Variants in VNN1 observed in about 807,000 individuals in gnomAD.
VNN1 encodes pantetheinase.
Under a neutral mutation model 41.9 loss-of-function variants are expected in VNN1, and 29 were observed. That is an observed-to-expected ratio of 0.69 (90% CI 0.52 to 0.94). The LOEUF (loss-of-function observed/expected upper bound fraction) is 0.94. Ranked by LOEUF, VNN1 falls within the 40% of genes least tolerant of loss-of-function variation. The pLI is 0.00. For missense variants in VNN1, 637 were observed against 621.1 expected, an observed-to-expected ratio of 1.03 and a Z score of -0.27; for synonymous variants, 233 against 224.4, an observed-to-expected ratio of 1.04 and a Z score of -0.34.
chr6:132,710,178 T>C (rs995751667), intron 2 of VNN1, among the ~76,000 whole-genome samples: 1 of 151,978 alleles, frequency 6.6e-6, no homozygotes, highest in African/African-American at 2.4e-5. Flanking sequence ...GCCTTCCAAG[T>C]AGCTGGGATT....
intron 2 of VNN1, among the ~76,000 whole-genome samples, chr6:132,711,078 G>A: frequency 6.6e-6 from 1 of 152,136 alleles, no homozygotes; most frequent in East Asian, 1.9e-4. Flanking sequence ...CTGGCGTTGT[G>A]CGGTTTTGAG....
intron 2 of VNN1, among the ~76,000 whole-genome samples, chr6:132,697,874 A>G (rs374226937): frequency 6.6e-6 from 1 of 152,224 alleles, no homozygotes; most frequent in African/African-American, 2.4e-5. Flanking sequence ...AAATTACAAC[A>G]CATTGAACCA....
intron 5 of VNN1, among the ~76,000 whole-genome samples, chr6:132,691,953 G>A (rs1415204131): frequency 6.6e-6 from 1 of 151,244 alleles, no homozygotes; most frequent in Middle Eastern, 3.4e-3. Context: ...CTTGCAGTGA[G>A]CTGATGCACC....
Position 132,693,220 on chromosome 6 carries a change from T to C in VNN1, c.630A>G (p.Thr210=). ...NTTFGSFGIF[T]CFDILFHDPA... is the part of the protein sequence containing the mutation. ...GATCATGGAAGAGTATATCAAAGCATGTGAAAATGCCAAAACTTCCAAAGG... is the reference window on the plus strand; with the variant it reads ...GATCATGGAAGAGTATATCAAAGCACGTGAAAATGCCAAAACTTCCAAAGG... Residue 210 remains threonine (T), a synonymous_variant, in exon 4 of 7, where the codon ACA becomes ACG. Coordinates refer to ENST00000367928, the MANE Select transcript of VNN1 (RefSeq NM_004666.3). 1 of 1,614,106 alleles carries C rather than the reference T, an allele frequency of 6.2e-7. No individual in the cohort carries two copies. The highest frequency in any genetic ancestry group is 8.5e-7 in the Non-Finnish European group (1 of 1,179,988).
chr6:132,708,189 A>G (rs1778547182), intron 2 of VNN1, among the ~76,000 whole-genome samples: 2 of 152,342 alleles, frequency 1.3e-5, no homozygotes, highest in African/African-American at 4.8e-5. Flanking sequence ...GCTTTCTTCT[A>G]TGATGCAATC....
At chr6:132,711,687 T>G in intron 2 of VNN1, 22 bp downstream of exon 2, 1 of 1,605,574 alleles carries the variant, frequency 6.2e-7, no homozygotes, top group Non-Finnish European at 8.5e-7. Flanking sequence ...ACTAGTGAAT[T>G]TTTCACAAGT....
rs779906176 is a variant in VNN1 at position 132,683,319 on chromosome 6, A to G, written c.1363T>C (p.Ser455Pro). 1.2e-6 allele frequency: 2 copies of G among 1,610,442 alleles called. No individual in the cohort carries two copies. Among genetic ancestry groups the G allele is most frequent in the South Asian group, 2.2e-5 (2 of 90,092 alleles). ...NQLAPGEFQV[S>P]TDGRLFSLKP... ...AGACTAAACAAGCGTCCGTCAGTTG[A>G]CACCTGATTAAAACAAAAAAGTAGG... The change falls in exon 7 of 7, where the codon TCA (serine) becomes CCA (proline). Residue 455 changes from serine to proline, a missense_variant. Transcript: ENST00000367928.
At chr6:132,686,335 C>A (rs1307341986) in intron 5 of VNN1, among the ~76,000 whole-genome samples, 3 of 152,102 alleles carry the variant, frequency 2.0e-5, no homozygotes, top group Non-Finnish European at 2.9e-5. Flanking sequence ...GTAATCCCAG[C>A]TACTCGGGAG....
intron 5 of VNN1, among the ~76,000 whole-genome samples, chr6:132,686,519 T>A (rs1480126949): frequency 6.6e-6 from 1 of 152,202 alleles, no homozygotes. Flanking sequence ...ATTAGGCAAC[T>A]GATTCAAGAA....
Position 132,684,438 on chromosome 6 carries a change from G to A in VNN1, c.1256C>T (p.Ser419Phe). The A allele has an allele frequency of 2.5e-6, 4 of 1,614,070 alleles. No individual in the cohort carries two copies. Among genetic ancestry groups the A allele is most frequent in the Non-Finnish European group, 3.4e-6 (4 of 1,179,970 alleles). The change falls in exon 6 of 7, where the codon TCT becomes TTT. Residue 419 changes from serine (S) to phenylalanine (F), a missense_variant. Coordinates refer to ENST00000367928, the MANE Select transcript of VNN1 (RefSeq NM_004666.3). ...NTCGDSAETA[S>F]TRFEMFSLSG... ...GAGGGAGAACATTTCAAACCTGGTA[G>A]AAGCTGTTTCAGCTGAGTCACCGCA...
chr6:132,703,174 A>G (rs1425407004), intron 2 of VNN1, among the ~76,000 whole-genome samples: 1 of 152,196 alleles, frequency 6.6e-6, no homozygotes, highest in Non-Finnish European at 1.5e-5. Flanking sequence ...AATTTCTTCA[A>G]TCTGAAAGAA....
chr6:132,694,401 C>T (rs1778337111), intron 2 of VNN1, among the ~76,000 whole-genome samples: 1 of 152,126 alleles, frequency 6.6e-6, no homozygotes, highest in Admixed American at 6.5e-5. Flanking sequence ...GATAAGATTC[C>T]AGACCACGTA....
intron 2 of VNN1, among the ~76,000 whole-genome samples, chr6:132,702,446 A>G (rs963499488): frequency 4.6e-5 from 7 of 152,190 alleles, no homozygotes; most frequent in African/African-American, 1.7e-4. Flanking sequence ...TTAGGCCACA[A>G]GGACTACAAT....
At chr6:132,704,348 T>A (rs1778489576) in intron 2 of VNN1, among the ~76,000 whole-genome samples, 1 of 151,932 alleles carries the variant, frequency 6.6e-6, no homozygotes. Context: ...AAAATTGAGA[T>A]CATATCAAGT....
chr6:132,686,936 A>C (rs529222347), intron 5 of VNN1, among the ~76,000 whole-genome samples: 1 of 152,162 alleles, frequency 6.6e-6, no homozygotes, highest in African/African-American at 2.4e-5. Flanking sequence ...TAACAAAAAT[A>C]AAAGATTCAG....
chr6:132,684,514 G>A lies in VNN1; in HGVS notation c.1189-9C>T, dbSNP rs771105896. 6.2e-7 allele frequency: 1 copy of A among 1,612,924 alleles called. No individual in the cohort carries two copies. ...TTCAACAGGGTACAAATCTAGGGAA[G>A]TCATGAAAACCAGTAAGTCATAAGA... On this transcript the variant is annotated splice_polypyrimidine_tract_variant and intron_variant, in intron 5 of 6. Coordinates refer to ENST00000367928, the MANE Select transcript of VNN1 (RefSeq NM_004666.3).
chr6:132,701,339 T>C (rs1582775370), intron 2 of VNN1, among the ~76,000 whole-genome samples: 1 of 152,176 alleles, frequency 6.6e-6, no homozygotes, highest in African/African-American at 2.4e-5. Context: ...TCAAGGCAAG[T>C]AATATATAAT....
chr6:132,687,152 G>A (rs1413666779), intron 5 of VNN1, among the ~76,000 whole-genome samples: 1 of 152,060 alleles, frequency 6.6e-6, no homozygotes, highest in Non-Finnish European at 1.5e-5. Context: ...TGTGGAATGA[G>A]GAATACACAT....
At position 132,713,837 on chromosome 6, in the gene VNN1, C is replaced by T. The variant is rs1271257671; in HGVS notation, c.199G>A (p.Ala67Thr). 1 of 1,612,868 alleles carries T rather than the reference C, an allele frequency of 6.2e-7. No individual in the cohort carries two copies. Among genetic ancestry groups the T allele is most frequent in the Non-Finnish European group, 8.5e-7 (1 of 1,180,016 alleles). Residue 67 changes from alanine (A) to threonine (T), a missense_variant, in exon 1 of 7, where the codon GCA (alanine) becomes ACA (threonine). By Grantham distance (58) the Ala-to-Thr change is moderately conservative. Coordinates refer to ENST00000367928, the MANE Select transcript of VNN1 (RefSeq NM_004666.3). ...GGTAGAGATGGTACCTGATCTGCTG[C>T]TGATGTGATCGCTCCTTCCAAAATG... Reference protein sequence around the residue: ...LDILEGAITSAADQGAHIIVT... With the variant: ...LDILEGAITSTADQGAHIIVT...
Sources: allele counts gnomAD v4.1 joint callset (sites outside exome capture counted in the v4.1 genomes callset), GRCh38; gene constraint gnomAD v4.1.1; transcripts MANE v1.5; gene names NCBI Gene and HGNC (gene_info 2026-07-23, HGNC 2026-07-21).